G3BP2: variants seen among roughly 807,000 people sequenced by gnomAD.
The protein encoded by G3BP2 is G3BP stress granule assembly factor 2, also known as ras GTPase-activating protein-binding protein 2.
In G3BP2, 11 loss-of-function variants were observed where a neutral mutation model predicts 56.7. The observed-to-expected ratio is 0.19, with a 90% confidence interval of 0.12 to 0.32. The LOEUF (loss-of-function observed/expected upper bound fraction) is 0.32. G3BP2 is among the 10% of genes least tolerant of loss of function. The pLI is 1.00. For missense variants in G3BP2, 340 were observed against 610.9 expected (o/e 0.56, Z 4.67); for synonymous variants, 165 against 191.6 (o/e 0.86, Z 1.15).
Position 75,644,369 on chromosome 4 carries a change from A to G in G3BP2, c.*1061T>C, listed in dbSNP as rs11556146. ...ACAAAGTTGTTAACTGAAGAACAAG[A>G]TAAATAATATGCTAGTCCATTTTAC... is the stretch of plus-strand genomic sequence containing the variant. On this transcript the variant is annotated 3_prime_UTR_variant, in exon 12 of 12. Transcript: ENST00000359707. The G allele has an allele frequency of 0.15, 22,863 of 152,548 alleles. 1,820 individuals are homozygous for G. The highest frequency in any genetic ancestry group is 0.34 in the South Asian group (1,641 of 4,808). The allele number at this position is 152,548 out of a possible 1,614,324, so 9.4% of individuals were successfully genotyped here. A position where few individuals can be genotyped will look rare whatever the true frequency, so the allele number is the denominator to read the frequency against.
At chr4:75,664,437 G>A (rs1197616955) in intron 1 of G3BP2, among the ~76,000 whole-genome samples, 19 of 151,594 alleles carry the variant, frequency 1.3e-4, no homozygotes, top group African/African-American at 4.6e-4. Context: ...TTTGCCAGGC[G>A]TGGTGGCTGG....
At chr4:75,721,591 C>A (rs6531889) in intron 2 of G3BP2, among the ~76,000 whole-genome samples, 1 of 152,170 alleles carries the variant, frequency 6.6e-6, no homozygotes, top group African/African-American at 2.4e-5. Flanking sequence ...TTATAACCTA[C>A]CAAAATAATA....
intron 3 of G3BP2, among the ~76,000 whole-genome samples, chr4:75,708,887 G>A (rs1247000526): frequency 6.6e-6 from 1 of 152,216 alleles, no homozygotes; most frequent in Non-Finnish European, 1.5e-5. Flanking sequence ...AAGGCAGGAG[G>A]ACTGCTTGAG....
intron 3 of G3BP2, among the ~76,000 whole-genome samples, chr4:75,705,773 G>A (rs1719521859): frequency 6.6e-6 from 1 of 152,208 alleles, no homozygotes; most frequent in Non-Finnish European, 1.5e-5. Context: ...CACACTTACT[G>A]TGGAAGTGGG....
Position 75,644,610 on chromosome 4 carries a change from AG to A in G3BP2, c.*819del. On this transcript the variant is annotated 3_prime_UTR_variant, in exon 12 of 12. Coordinates refer to ENST00000359707, the MANE Select transcript of G3BP2 (RefSeq NM_203505.3). Reference sequence around the variant, plus strand: ...TTTTCACTGTACACAGCTTAAAGAAAGGAAAAAAGGGGAGGAGGAGTGTGTT... The same window carrying A: ...TTTTCACTGTACACAGCTTAAAGAAAGAAAAAAGGGGAGGAGGAGTGTGTT... 1 of 152,774 alleles carries A rather than the reference AG, an allele frequency of 6.5e-6. No individual in the cohort carries two copies. Among genetic ancestry groups the A allele is most frequent in the South Asian group, 2.1e-4 (1 of 4,830 alleles). 9.5% of individuals were successfully genotyped at this position (152,774 alleles called of 1,614,324 possible).
At chr4:75,662,125 T>C in intron 1 of G3BP2, 76 bp from the exon 2 acceptor site, 1 of 814,644 alleles carries the variant, frequency 1.2e-6, no homozygotes, top group Non-Finnish European at 2.0e-6. Context: ...ATTTTCTTTT[T>C]AGCCAAATTT....
chr4:75,647,263 A>AT (rs1731304714), intron 9 of G3BP2, 106 bp from the exon 10 acceptor site: 1 of 737,230 alleles, frequency 1.4e-6, no homozygotes, highest in African/African-American at 1.8e-5. Flanking sequence ...GTTTTAGTTT[A>AT]ATAAGACTAG....
At chr4:75,718,082 G>A (rs1719996640) in intron 3 of G3BP2, among the ~76,000 whole-genome samples, 1 of 151,608 alleles carries the variant, frequency 6.6e-6, no homozygotes, top group Non-Finnish European at 1.5e-5. Flanking sequence ...ATTGTAGTGA[G>A]CCAAGGTAGC....
At chr4:75,697,287 AAAAAAAAAAAAAAAG>A (rs1275474506) in intron 3 of G3BP2, among the ~76,000 whole-genome samples, 6 of 143,408 alleles carry the variant, frequency 4.2e-5, no homozygotes, top group East Asian at 3.9e-4. Flanking sequence ...AAAAAAAAAA[AAAAAAAAAAAAAAAG>A]ATCATGAAAT....
At chr4:75,657,468 G>T in intron 4 of G3BP2, 89 bp downstream of exon 4, 1 of 917,302 alleles carries the variant, frequency 1.1e-6, no homozygotes, top group Non-Finnish European at 1.7e-6. Context: ...ATAACAATAT[G>T]CAAATCTAAA....
chr4:75,674,723 T>A (rs1370568930), upstream of G3BP2, among the ~76,000 whole-genome samples: 9,763 of 68,734 alleles, frequency 0.14, 832 homozygotes, highest in East Asian at 0.3. Flanking sequence ...TATATATTTT[T>A]TTTTTTTTTT....
chr4:75,688,033 A>G (rs956459925), intron 3 of G3BP2, among the ~76,000 whole-genome samples: 1 of 152,188 alleles, frequency 6.6e-6, no homozygotes, highest in Admixed American at 6.5e-5. Context: ...TGTGCTGCCC[A>G]TGGTCACTGA....
At chr4:75,697,037 G>A (rs1420362033) in intron 3 of G3BP2, among the ~76,000 whole-genome samples, 1 of 152,010 alleles carries the variant, frequency 6.6e-6, no homozygotes, top group Non-Finnish European at 1.5e-5. Context: ...AGCACTTTGG[G>A]AGGCCAAGGC....
At chr4:75,719,518 T>TA (rs753901975) in intron 3 of G3BP2, among the ~76,000 whole-genome samples, 10 of 151,956 alleles carry the variant, frequency 6.6e-5, no homozygotes, top group East Asian at 1.9e-4. Flanking sequence ...ACCATTCCTT[T>TA]AAAAAAAAGT....
intron 4 of G3BP2, 29 bp from the exon 5 acceptor site, chr4:75,657,043 T>A (rs756690194): frequency 2.1e-6 from 2 of 939,062 alleles, no homozygotes; most frequent in East Asian, 5.2e-5. Context: ...ATTCCATAAA[T>A]ATCCAGAAAT....
At chr4:75,719,615 A>G (rs2149121749) in intron 3 of G3BP2, among the ~76,000 whole-genome samples, 1 of 151,998 alleles carries the variant, frequency 6.6e-6, no homozygotes, top group African/African-American at 2.4e-5. Context: ...TTTGAGACGG[A>G]GTTTCGCTCT....
rs772960037 is a variant in G3BP2, at chr4:75,705,040, GA to G, written c.-25+15836del. Among the ~76,000 whole-genome samples, 84 of 152,224 alleles carry G rather than the reference GA, an allele frequency of 5.5e-4. No individual in the cohort carries two copies. The Middle Eastern group carries it at 0.01, about 18-fold the overall frequency. ...TTCATATGCTTTCTTAAAACATTGA[GA>G]TTTTTTTTTTAGTTCATCGGCTATC... On this transcript the variant is annotated intron_variant, in intron 3 of 3. Coordinates refer to the G3BP2 transcript ENST00000499709.
chr4:75,688,156 T>C (rs1416066600), intron 3 of G3BP2, among the ~76,000 whole-genome samples: 1 of 147,904 alleles, frequency 6.8e-6, no homozygotes, highest in East Asian at 1.9e-4. Flanking sequence ...TTCTTGAACC[T>C]GGTGCCTTCC....
intron 1 of G3BP2, among the ~76,000 whole-genome samples, chr4:75,669,893 G>C (rs188572855): frequency 1.3e-5 from 2 of 152,158 alleles, no homozygotes; most frequent in African/African-American, 2.4e-5. Context: ...AGGAGTTCGA[G>C]ACCAGCCTGA....
Sources: allele counts gnomAD v4.1 joint callset (sites outside exome capture counted in the v4.1 genomes callset), GRCh38; gene constraint gnomAD v4.1.1; transcripts MANE v1.5; gene names NCBI Gene and HGNC (gene_info 2026-07-23, HGNC 2026-07-21).